Variants in SYNPR observed in about 807,000 individuals in gnomAD.
The protein encoded by SYNPR is synaptoporin.
SYNPR carries 23 observed loss-of-function variants against 32.9 expected under a neutral mutation model. That is an observed-to-expected ratio of 0.70 (90% confidence interval 0.50 to 0.99). The LOEUF (loss-of-function observed/expected upper bound fraction) is 0.99. Ranked by LOEUF, SYNPR falls within the 50% of genes least tolerant of loss-of-function variation. The probability of loss-of-function intolerance (pLI) is 0.00; values close to 1 mark genes in which losing one functional copy is unlikely to be tolerated. For missense variants in SYNPR, 318 were observed against 349.3 expected, an observed-to-expected ratio of 0.91 and a Z score of 0.71; for synonymous variants, 146 against 135.9, an observed-to-expected ratio of 1.07 and a Z score of -0.52.
At chr3:63,451,739 C>T (rs192749202) in intron 2 of SYNPR, among the ~76,000 whole-genome samples, 12 of 152,258 alleles carry the variant, frequency 7.9e-5, no homozygotes, top group East Asian at 1.9e-4. Context: ...TACAGATGCT[C>T]GGAGAAAGCC....
chr3:63,440,648 A>G (rs140553231), intron 2 of SYNPR, among the ~76,000 whole-genome samples: 216 of 152,322 alleles, frequency 1.4e-3, no homozygotes, highest in African/African-American at 5.0e-3. Flanking sequence ...TCTGCCTATT[A>G]GCCTTAGAAC....
chr3:63,407,947 C>T (rs921038887), intron 2 of SYNPR, among the ~76,000 whole-genome samples: 1 of 151,890 alleles, frequency 6.6e-6, no homozygotes, highest in African/African-American at 2.4e-5. Context: ...GGCAAAGATA[C>T]TGGACATACT....
At chr3:63,520,588 G>T (rs558473555) in intron 3 of SYNPR, among the ~76,000 whole-genome samples, 1 of 151,630 alleles carries the variant, frequency 6.6e-6, no homozygotes, top group African/African-American at 2.4e-5. Context: ...CAGAAGAATC[G>T]CTTGAACCCA....
chr3:63,569,586 T>C lies in SYNPR; in HGVS notation c.408+12845T>C, dbSNP rs1394397512. Among the ~76,000 whole-genome samples, 9 of 152,362 alleles carry C rather than the reference T, an allele frequency of 5.9e-5. No individual in the cohort carries two copies. In the East Asian group the frequency reaches 1.5e-3, roughly 26 times the overall value. ...GAAACATCACAAATTAAATTCAAGC[T>C]GTGTTTAAGTACGCAGAAGTCAGGC... On this transcript the variant is annotated intron_variant, in intron 4 of 5. Transcript: ENST00000478300.
chr3:63,300,584 T>C (rs2086834805), intron 2 of SYNPR, among the ~76,000 whole-genome samples: 1 of 152,180 alleles, frequency 6.6e-6, no homozygotes, highest in Middle Eastern at 3.4e-3. Flanking sequence ...GTCCCTGCTC[T>C]AGAGAATTGC....
At chr3:63,614,298 C>A (rs1245080989) in intron 5 of SYNPR, among the ~76,000 whole-genome samples, 1 of 152,206 alleles carries the variant, frequency 6.6e-6, no homozygotes, top group Non-Finnish European at 1.5e-5. Context: ...GTCAATCAAC[C>A]AGCCTTGGAA....
chr3:63,347,364 G>A (rs1025843740), intron 2 of SYNPR, among the ~76,000 whole-genome samples: 1 of 152,064 alleles, frequency 6.6e-6, no homozygotes, highest in Non-Finnish European at 1.5e-5. Flanking sequence ...TAGGAGGTAG[G>A]CTACTTTTGA....
At chr3:63,352,936 CAT>C (rs1269461891) in intron 2 of SYNPR, among the ~76,000 whole-genome samples, 1 of 152,202 alleles carries the variant, frequency 6.6e-6, no homozygotes, top group Non-Finnish European at 1.5e-5. Context: ...CCTCCCATGA[CAT>C]GTGGGAATTA....
intron 2 of SYNPR, among the ~76,000 whole-genome samples, chr3:63,377,487 T>G (rs2087909214): frequency 1.3e-5 from 2 of 152,050 alleles, no homozygotes; most frequent in African/African-American, 4.8e-5. Context: ...CAAATTTCAG[T>G]ACGTCATGCC....
At chr3:63,439,096 T>G (rs1700128654) in intron 2 of SYNPR, among the ~76,000 whole-genome samples, 1 of 152,122 alleles carries the variant, frequency 6.6e-6, no homozygotes, top group Admixed American at 6.5e-5. Flanking sequence ...TACCAGAAGG[T>G]GTGTCCACCA....
At chr3:63,481,175 C>CA (rs11349566) in intron 3 of SYNPR, among the ~76,000 whole-genome samples, 49 of 146,714 alleles carry the variant, frequency 3.3e-4, no homozygotes, top group East Asian at 9.9e-4. Flanking sequence ...TGACTCTCCT[C>CA]AAAAAAAAAG....
intron 2 of SYNPR, among the ~76,000 whole-genome samples, chr3:63,259,489 T>C (rs1223973326): frequency 2.0e-5 from 3 of 152,134 alleles, no homozygotes; most frequent in Admixed American, 2.0e-4. Context: ...ATTATCTCAA[T>C]AGATGCAGAA....
upstream of SYNPR, among the ~76,000 whole-genome samples, chr3:63,276,783 GT>G (rs1173445260): frequency 1.3e-5 from 2 of 152,088 alleles, no homozygotes; most frequent in African/African-American, 4.8e-5. Context: ...TAAATTTCTA[GT>G]TTTTCTGCAG....
At chr3:63,597,446 C>G (rs758753827) in intron 4 of SYNPR, among the ~76,000 whole-genome samples, 4 of 152,254 alleles carry the variant, frequency 2.6e-5, no homozygotes, top group Non-Finnish European at 5.9e-5. Context: ...GACGAAAAAA[C>G]ATGAAAAGAT....
chr3:63,230,162 C>G (rs909105233), intron 1 of SYNPR, among the ~76,000 whole-genome samples: 2 of 152,106 alleles, frequency 1.3e-5, no homozygotes, highest in African/African-American at 4.8e-5. Flanking sequence ...GAGCTTTAAA[C>G]TGTTGTGAAT....
At chr3:63,531,896 A>C (rs1274772719) in intron 3 of SYNPR, among the ~76,000 whole-genome samples, 1 of 152,058 alleles carries the variant, frequency 6.6e-6, no homozygotes, top group Non-Finnish European at 1.5e-5. Context: ...ATCCCATTGA[A>C]ATTTTCTCTC....
intron 2 of SYNPR, chr3:63,445,517 C>G (rs556117308): frequency 1.4e-6 from 1 of 694,352 alleles, no homozygotes; most frequent in Admixed American, 2.1e-5. Context: ...TTTAAAATTT[C>G]ATAATCAGCT....
chr3:63,486,405 T>C (rs1284446928), intron 3 of SYNPR, among the ~76,000 whole-genome samples: 1 of 152,158 alleles, frequency 6.6e-6, no homozygotes, highest in African/African-American at 2.4e-5. Context: ...TATTATACCA[T>C]TTCCCAGAGG....
chr3:63,268,810 C>T (rs1182598771), intron 3 of SYNPR, among the ~76,000 whole-genome samples: 2 of 152,166 alleles, frequency 1.3e-5, no homozygotes, highest in African/African-American at 4.8e-5. Context: ...AACTTAATAT[C>T]AAACTTATTT....
Sources: gnomAD v4.1 joint callset for allele counts (sites outside exome capture counted in the v4.1 genomes callset) on GRCh38, gnomAD v4.1.1 for gene constraint, MANE v1.5 for transcripts, NCBI Gene and HGNC (gene_info 2026-07-23, HGNC 2026-07-21) for gene names.